The following PARD3 variants were observed in gnomAD, a reference collection of about 807,000 sequenced individuals.
PARD3 encodes partitioning defective 3 homolog.
A neutral mutation model predicts 155.4 loss-of-function variants in PARD3; 75 were observed. The observed-to-expected ratio is 0.48, with a 90% CI of 0.40 to 0.58. The LOEUF is 0.58. PARD3 is among the 20% of genes least tolerant of loss of function. PARD3 has a pLI of 0.00. For missense variants in PARD3, 1,642 were observed against 1,721.7 expected, an observed-to-expected ratio of 0.95 and a Z score of 0.82; for synonymous variants, 576 against 610.5, an observed-to-expected ratio of 0.94 and a Z score of 0.83.
chr10:34,467,655 G>A (rs998880228), intron 4 of PARD3, among the ~76,000 whole-genome samples: 3 of 151,454 alleles, frequency 2.0e-5, no homozygotes, highest in East Asian at 3.9e-4. Flanking sequence ...GCTGAGGCAG[G>A]AGAATGCTTG....
intron 2 of PARD3, among the ~76,000 whole-genome samples, chr10:34,623,496 T>A (rs2091812406): frequency 6.6e-6 from 1 of 152,220 alleles, no homozygotes; most frequent in South Asian, 2.1e-4. Flanking sequence ...ATTTAAAACC[T>A]CTGGATCAGA....
chr10:34,699,687 C>T lies in PARD3; in HGVS notation c.121-3268G>A, dbSNP rs143203152. On this transcript the variant is annotated intron_variant, in intron 1 of 24. Transcript: ENST00000374788. ...CTGAGCAAAAAATTGTGATAAGGTC[C>T]GGCATGATGGCTCATCCCTGTAATC... 9.9e-5 allele frequency among the ~76,000 whole-genome samples: 15 copies of T among 152,246 alleles called. No homozygotes were observed. In the East Asian group the frequency reaches 2.5e-3, roughly 26 times the overall value.
chr10:34,355,958 C>A (rs12765938), intron 14 of PARD3, among the ~76,000 whole-genome samples: 41,157 of 115,186 alleles, frequency 0.36, 7,392 homozygotes, highest in South Asian at 0.52. Flanking sequence ...AAAACAAAAC[C>A]AAACAAAAAA....
intron 2 of PARD3, among the ~76,000 whole-genome samples, chr10:34,582,078 C>A (rs917232518): frequency 6.6e-6 from 1 of 152,198 alleles, no homozygotes; most frequent in Non-Finnish European, 1.5e-5. Flanking sequence ...TAAAGACTTG[C>A]TGAAGTTTCA....
intron 1 of PARD3, among the ~76,000 whole-genome samples, chr10:34,707,217 T>C (rs1171337249): frequency 1.3e-5 from 2 of 149,794 alleles, no homozygotes; most frequent in African/African-American, 4.9e-5. Context: ...TGCACTCCAG[T>C]CTGGGTGACA....
intron 11 of PARD3, among the ~76,000 whole-genome samples, chr10:34,374,161 C>G (rs745906072): frequency 6.6e-6 from 1 of 152,020 alleles, no homozygotes; most frequent in Admixed American, 6.5e-5. Flanking sequence ...ATAAATGAAA[C>G]CTAGCACTTT....
intron 22 of PARD3, among the ~76,000 whole-genome samples, chr10:34,265,452 C>T (rs984347109): frequency 6.6e-6 from 1 of 152,166 alleles, no homozygotes; most frequent in African/African-American, 2.4e-5. Flanking sequence ...TGCTTCCTTA[C>T]TGAACAATGA....
At chr10:34,675,344 T>G (rs552287775) in intron 2 of PARD3, among the ~76,000 whole-genome samples, 10 of 152,306 alleles carry the variant, frequency 6.6e-5, no homozygotes, top group African/African-American at 2.4e-4. Flanking sequence ...AGTATACAGA[T>G]TCAGATATAT....
At chr10:34,604,881 A>G (rs948966922) in intron 2 of PARD3, among the ~76,000 whole-genome samples, 15 of 151,916 alleles carry the variant, frequency 9.9e-5, no homozygotes, top group African/African-American at 3.1e-4. Flanking sequence ...AGATCAATAT[A>G]TAAGTTTACA....
chr10:34,811,220 C>A (rs1458094318), intron 1 of PARD3, among the ~76,000 whole-genome samples: 1 of 152,240 alleles, frequency 6.6e-6, no homozygotes, highest in Non-Finnish European at 1.5e-5. Flanking sequence ...CTTAGCTAAA[C>A]ACCACAGTCC....
chr10:34,364,542 G>A (rs369936899), intron 12 of PARD3, among the ~76,000 whole-genome samples: 2 of 151,484 alleles, frequency 1.3e-5, no homozygotes, highest in Admixed American at 6.6e-5. Flanking sequence ...TGATTATCCC[G>A]CCCTCAGCCT....
rs139162678 is a variant in PARD3 at position 34,129,676 on chromosome 10, CT to C, written c.3540+1786del. On this transcript the variant is annotated intron_variant, in intron 23 of 24. Transcript: ENST00000374788. ...TTACCCTTCCTCAAATCAAATGTTC[CT>C]TTTTTTTTGTAATGTCAAGCCTCTT... Among the ~76,000 whole-genome samples, 6 of 119,922 alleles carry C rather than the reference CT, an allele frequency of 5.0e-5. No individual in the cohort carries two copies. In the East Asian group the frequency reaches 8.3e-4, roughly 17 times the overall value. The allele number at this position is 119,922 out of a possible 152,430, so 78.7% of individuals were successfully genotyped here.
rs1198032670 is a variant in PARD3 at position 34,302,361 on chromosome 10, A to G, written c.3065+14746T>C. On this transcript the variant is annotated intron_variant, in intron 20 of 24. Transcript: ENST00000374788. ...CAGGAGGAGTTCTAAAATGCTTTGT[A>G]TCTATTAATTCCCATTAGCTTCAAA... Among the ~76,000 whole-genome samples, 6 of 152,316 alleles carry G rather than the reference A, an allele frequency of 3.9e-5. 1 individual carries two copies. In the South Asian group the frequency reaches 1.2e-3, roughly 32 times the overall value.
chr10:34,345,513 T>G, intron 15 of PARD3: 1 of 985,332 alleles, frequency 1.0e-6, no homozygotes, highest in Non-Finnish European at 1.2e-6. Flanking sequence ...AAAGGAGTGA[T>G]TCCAAACATA....
chr10:34,590,543 G>A lies in PARD3; in HGVS notation c.223-73384C>T, dbSNP rs115124539. Among the ~76,000 whole-genome samples the A allele has an allele frequency of 1.3e-3, 202 of 152,272 alleles. 1 individual carries two copies. The highest frequency in any genetic ancestry group is 4.5e-3 in the African/African-American group (187 of 41,560). On this transcript the variant is annotated intron_variant, in intron 2 of 24. Transcript: ENST00000374788. ...TTTTAAAACTGGGAGTGGGCAGAGT[G>A]GTTGGAAATTCAGCTAAAGAACAGC...
chr10:34,226,142 A>G (rs2133518232), intron 22 of PARD3, among the ~76,000 whole-genome samples: 1 of 152,366 alleles, frequency 6.6e-6, no homozygotes, highest in South Asian at 2.1e-4. Context: ...GTTTACCAAA[A>G]AAGAAAGAAA....
chr10:34,352,760 C>T (rs1454080690), intron 14 of PARD3, among the ~76,000 whole-genome samples: 6 of 152,178 alleles, frequency 3.9e-5, no homozygotes, highest in African/African-American at 1.4e-4. Context: ...CTCTGCCCGG[C>T]CGCGACCCCA....
At chr10:34,289,215 A>T (rs1395407693) in intron 20 of PARD3, among the ~76,000 whole-genome samples, 1 of 151,772 alleles carries the variant, frequency 6.6e-6, no homozygotes, top group East Asian at 1.9e-4. Context: ...TGGGGGACAT[A>T]GGCTTGCTCT....
intron 2 of PARD3, among the ~76,000 whole-genome samples, chr10:34,526,438 C>G (rs955416419): frequency 6.6e-6 from 1 of 152,192 alleles, no homozygotes; most frequent in Admixed American, 6.5e-5. Context: ...CATAGCAGGA[C>G]AGTCACGACC....
Sources: allele counts gnomAD v4.1 joint callset (sites outside exome capture counted in the v4.1 genomes callset), GRCh38; gene constraint gnomAD v4.1.1; transcripts MANE v1.5; gene names NCBI Gene and HGNC (gene_info 2026-07-23, HGNC 2026-07-21).